Variants in MLANA observed in about 807,000 individuals in gnomAD.
MLANA encodes melanoma antigen recognized by T-cells 1.
MLANA carries 21 observed loss-of-function variants against 15.7 expected under a neutral mutation model. The ratio of observed to expected loss-of-function variants is 1.33; its 90% CI spans 0.95 to 1.92. MLANA has a LOEUF of 1.92. Among genes scored for constraint, MLANA ranks in the 40% most tolerant of loss-of-function variants. The probability of loss-of-function intolerance (pLI) is 0.00; values close to 1 mark genes in which losing one functional copy is unlikely to be tolerated. For missense variants in MLANA, 164 were observed against 143.8 expected (o/e 1.14, Z -0.72); for synonymous variants, 56 against 51.5 (o/e 1.09, Z -0.37).
At position 5,910,170 on chromosome 9, in the gene MLANA, A is replaced by C. The variant is rs1275472069; in HGVS notation, c.*1462A>C. On this transcript the variant is annotated 3_prime_UTR_variant, in exon 5 of 5. Transcript: ENST00000381477. ...TTGACATAACTGGAAGGCTTACAAG[A>C]GTTTTAAAGAAATTACTTTCTCACT... The C allele has an allele frequency of 6.6e-6, 1 of 152,246 alleles. No individual in the cohort carries two copies. Among genetic ancestry groups the C allele is most frequent in the Non-Finnish European group, 1.5e-5 (1 of 68,046 alleles). The allele number at this position is 152,246 out of a possible 1,614,324, so 9.4% of individuals were successfully genotyped here. A position where few individuals can be genotyped will look rare whatever the true frequency, so the allele number is the denominator to read the frequency against.
rs4740831 is a variant in MLANA, at chr9:5,902,913, T to C, written c.175-3972T>C. On this transcript the variant is annotated intron_variant, in intron 3 of 4. Coordinates refer to ENST00000381477, the MANE Select transcript of MLANA (RefSeq NM_005511.2). ...TATTTTCCTAAGGTGAAAGCTTAGATGACTGATTTTAGATCTTTCTTCTTC... is the reference window on the plus strand; with the variant it reads ...TATTTTCCTAAGGTGAAAGCTTAGACGACTGATTTTAGATCTTTCTTCTTC... Among the ~76,000 whole-genome samples, 984 of 152,354 alleles carry C rather than the reference T, an allele frequency of 6.5e-3. 41 individuals are homozygous for C. The highest frequency in any genetic ancestry group is 0.05 in the Admixed American group (770 of 15,306).
At chr9:5,895,330 C>T (rs898043373) in intron 2 of MLANA, among the ~76,000 whole-genome samples, 1 of 151,986 alleles carries the variant, frequency 6.6e-6, no homozygotes, top group Non-Finnish European at 1.5e-5. Context: ...TCCCTGCCCC[C>T]ATTGCTGTTT....
Position 5,906,921 on chromosome 9 carries a change from A to C in MLANA, c.211A>C (p.Thr71Pro). ...TCATGTTGGCACTCAATGTGCCTTAACAAGAAGATGCCCACAAGAAGGGTT... is the reference window on the plus strand; with the variant it reads ...TCATGTTGGCACTCAATGTGCCTTACCAAGAAGATGCCCACAAGAAGGGTT... Reference protein sequence around the residue: ...SLHVGTQCALTRRCPQEGFDH... With the variant: ...SLHVGTQCALPRRCPQEGFDH... The change falls in exon 4 of 5, where the codon ACA becomes CCA. Residue 71 changes from threonine to proline, a missense_variant. Coordinates refer to ENST00000381477, the MANE Select transcript of MLANA (RefSeq NM_005511.2). 6.3e-7 allele frequency: 1 copy of C among 1,597,374 alleles called. No individual in the cohort carries two copies. The highest frequency in any genetic ancestry group is 8.5e-7 in the Non-Finnish European group (1 of 1,173,544).
At chr9:5,906,779 G>A (rs1832843234) in intron 3 of MLANA, 106 bp from the exon 4 acceptor site, 1 of 665,446 alleles carries the variant, frequency 1.5e-6, no homozygotes, top group South Asian at 2.2e-5. Context: ...GTAAGTGGCA[G>A]AACCTAGATT....
At chr9:5,904,931 G>A (rs1045396530) in intron 3 of MLANA, among the ~76,000 whole-genome samples, 4 of 151,892 alleles carry the variant, frequency 2.6e-5, no homozygotes, top group Non-Finnish European at 4.4e-5. Context: ...CCGCTACCAT[G>A]CCTGGCTAAT....
chr9:5,892,501 C>G lies in MLANA; in HGVS notation c.27C>G (p.Ile9Met), dbSNP rs143968947. The G allele has an allele frequency of 2.5e-6, 4 of 1,613,738 alleles. No individual in the cohort carries two copies. The highest frequency in any genetic ancestry group is 3.4e-6 in the Non-Finnish European group (4 of 1,179,884). ...TGCCAAGAGAAGATGCTCACTTCAT[C>G]TATGGTTACCCCAAGAAGGGGCACG... Reference protein sequence around the residue: MPREDAHFIYGYPKKGHGH... With the variant: MPREDAHFMYGYPKKGHGH... The change falls in exon 2 of 5, where the codon ATC becomes ATG. Residue 9 changes from isoleucine (I) to methionine (M), a missense_variant. By Grantham distance (10) the Ile-to-Met change is conservative. Transcript: ENST00000381477.
intron 3 of MLANA, among the ~76,000 whole-genome samples, chr9:5,902,774 T>C (rs978457446): frequency 6.6e-6 from 1 of 152,164 alleles, no homozygotes; most frequent in South Asian, 2.1e-4. Flanking sequence ...CCCAAAGTAC[T>C]GGCATTATAG....
At chr9:5,905,019 C>T (rs563619328) in intron 3 of MLANA, among the ~76,000 whole-genome samples, 18 of 152,278 alleles carry the variant, frequency 1.2e-4, no homozygotes, top group East Asian at 1.9e-4. Flanking sequence ...GTGATCCACA[C>T]GCCTTGACCT....
chr9:5,892,375 G>A (rs2233177), intron 1 of MLANA, 75 bp from the exon 2 acceptor site: 49,456 of 1,055,594 alleles, frequency 0.047, 1,653 homozygotes, highest in South Asian at 0.12. Flanking sequence ...TGAGGATGCT[G>A]TTGTGGGTCT....
intron 3 of MLANA, chr9:5,897,951 C>T (rs1586931433): frequency 6.7e-6 from 2 of 297,480 alleles, no homozygotes; most frequent in East Asian, 1.3e-4. Flanking sequence ...AGGCTGGGAA[C>T]TCCAAGATCT....
intron 2 of MLANA, 144 bp from the exon 3 acceptor site, chr9:5,897,413 T>C: frequency 1.4e-6 from 1 of 703,724 alleles, no homozygotes; most frequent in East Asian, 2.7e-5. Flanking sequence ...GTGCCCAGTG[T>C]GGGAGGTGGG....
intron 3 of MLANA, among the ~76,000 whole-genome samples, chr9:5,898,465 A>G (rs186970545): frequency 6.6e-6 from 1 of 152,246 alleles, no homozygotes; most frequent in Admixed American, 6.5e-5. Flanking sequence ...TAAAAGTCCT[A>G]CCTCTTACCA....
intron 3 of MLANA, among the ~76,000 whole-genome samples, chr9:5,900,609 A>T (rs1832349106): frequency 6.6e-6 from 1 of 152,196 alleles, no homozygotes; most frequent in South Asian, 2.1e-4. Flanking sequence ...CTCCACCTTT[A>T]ACAATCTTCA....
At chr9:5,900,444 G>A (rs1203632887) in intron 3 of MLANA, among the ~76,000 whole-genome samples, 3 of 152,126 alleles carry the variant, frequency 2.0e-5, no homozygotes, top group Non-Finnish European at 4.4e-5. Context: ...GAGATCAGCA[G>A]TCTAATAAGT....
At position 5,909,880 on chromosome 9, in the gene MLANA, A is replaced by G. The variant is rs1172977721; in HGVS notation, c.*1172A>G. On this transcript the variant is annotated 3_prime_UTR_variant, in exon 5 of 5. Coordinates refer to ENST00000381477, the MANE Select transcript of MLANA (RefSeq NM_005511.2). ...AATTTGTTTTCCTTTGGCTACATCA[A>G]CGTATCACCTACACTATTATTTATC... 1.3e-5 allele frequency: 2 copies of G among 152,196 alleles called. No homozygotes were observed. Among genetic ancestry groups the G allele is most frequent in the African/African-American group, 4.8e-5 (2 of 41,452 alleles). 9.4% of individuals were successfully genotyped at this position (152,196 alleles called of 1,614,324 possible).
intron 3 of MLANA, among the ~76,000 whole-genome samples, chr9:5,904,629 T>C (rs1832678600): frequency 6.6e-6 from 1 of 152,118 alleles, no homozygotes; most frequent in South Asian, 2.1e-4. Context: ...CATACTACTA[T>C]GCTCATCTAA....
chr9:5,905,865 C>T (rs866664040), intron 3 of MLANA, among the ~76,000 whole-genome samples: 5 of 152,180 alleles, frequency 3.3e-5, no homozygotes, highest in South Asian at 2.1e-4. Flanking sequence ...ACTATTCTCC[C>T]GGCCATGGTC....
chr9:5,897,654 G>T lies in MLANA; in HGVS notation c.174+1G>T. ...ACGAAATGGATACAGAGCCTTGATG[G>T]TTGGTAAAGTTCCCACTGCTGAAAT... On this transcript the variant is annotated splice_donor_variant, in intron 3 of 4. Transcript: ENST00000381477. LOFTEE classifies it high-confidence loss of function. 6.2e-7 allele frequency: 1 copy of T among 1,612,800 alleles called. No individual in the cohort carries two copies. Among genetic ancestry groups the T allele is most frequent in the Non-Finnish European group, 8.5e-7 (1 of 1,178,798 alleles).
intron 2 of MLANA, among the ~76,000 whole-genome samples, chr9:5,896,945 CACGAACATA>C (rs1832066622): frequency 6.6e-6 from 1 of 152,208 alleles, no homozygotes; most frequent in African/African-American, 2.4e-5. Context: ...GAAGGGAGGG[CACGAACATA>C]ATTGAGACGG....
Sources: allele counts gnomAD v4.1 joint callset (sites outside exome capture counted in the v4.1 genomes callset), GRCh38; gene constraint gnomAD v4.1.1; transcripts MANE v1.5; gene names NCBI Gene and HGNC (gene_info 2026-07-23, HGNC 2026-07-21).